Variants in DSCAM observed in about 807,000 individuals in gnomAD.
DSCAM encodes the protein DS cell adhesion molecule, also known as cell adhesion molecule DSCAM.
DSCAM carries 47 observed loss-of-function variants against 217.7 expected under a neutral mutation model. That is an observed-to-expected ratio of 0.22 (90% CI 0.17 to 0.28). DSCAM has a LOEUF of 0.28. DSCAM is among the 10% of genes least tolerant of loss of function. The probability of loss-of-function intolerance (pLI) is 1.00; values close to 1 mark genes in which losing one functional copy is unlikely to be tolerated. For missense variants in DSCAM, 2,080 were observed against 2,618.3 expected, an observed-to-expected ratio of 0.79 and a Z score of 4.49; for synonymous variants, 1,056 against 1,015.3, an observed-to-expected ratio of 1.04 and a Z score of -0.76.
At chr21:40,786,705 A>G (rs758887379) in intron 1 of DSCAM, among the ~76,000 whole-genome samples, 5 of 152,242 alleles carry the variant, frequency 3.3e-5, no homozygotes, top group Non-Finnish European at 5.9e-5. Flanking sequence ...GGGATTCGTC[A>G]GAGTTCCTTA....
rs932733310 is a variant in DSCAM, at chr21:40,187,123, G to A, written c.2779+8C>T. 11 of 1,612,594 alleles carry A rather than the reference G, an allele frequency of 6.8e-6. No individual in the cohort carries two copies. The highest frequency in any genetic ancestry group is 9.3e-6 in the Non-Finnish European group (11 of 1,179,408). On this transcript the variant is annotated splice_region_variant and intron_variant, in intron 14 of 32. Transcript: ENST00000400454. Reference sequence around the variant, plus strand: ...TGGAAGGGAAGCTGGAGGAAGTAAAGAACTTACCTGATTTATTTTTGCATT... The same window carrying A: ...TGGAAGGGAAGCTGGAGGAAGTAAAAAACTTACCTGATTTATTTTTGCATT...
chr21:40,273,014 C>T (rs1275783074), intron 11 of DSCAM, among the ~76,000 whole-genome samples: 3 of 152,140 alleles, frequency 2.0e-5, no homozygotes, highest in African/African-American at 4.8e-5. Flanking sequence ...ATGAAAATAC[C>T]TCCCCATGGG....
rs979753212 is a variant in DSCAM at position 40,264,318 on chromosome 21, C to T, written c.2356+11779G>A. 2.0e-5 allele frequency among the ~76,000 whole-genome samples: 3 copies of T among 152,016 alleles called. 1 individual carries two copies. The highest frequency in any genetic ancestry group is 2.9e-5 in the Non-Finnish European group (2 of 67,986). On this transcript the variant is annotated intron_variant, in intron 11 of 32. Coordinates refer to ENST00000400454, the MANE Select transcript of DSCAM (RefSeq NM_001389.5). ...AATTCTCAACACAATACTAGCAAAC[C>T]AAATCCAATAGCAAATCGAATCCAA...
intron 3 of DSCAM, among the ~76,000 whole-genome samples, chr21:40,419,987 GC>G (rs1189079016): frequency 2.6e-5 from 4 of 152,042 alleles, no homozygotes; most frequent in Admixed American, 2.6e-4. Flanking sequence ...CTGAAGGAAT[GC>G]TTTTGAGTCA....
chr21:40,476,598 G>A (rs1224614714), intron 3 of DSCAM, among the ~76,000 whole-genome samples: 2 of 152,180 alleles, frequency 1.3e-5, no homozygotes, highest in African/African-American at 4.8e-5. Context: ...TTTCGAATGT[G>A]CTTAAGGTGA....
intron 8 of DSCAM, among the ~76,000 whole-genome samples, chr21:40,321,335 C>T (rs1321851925): frequency 6.6e-6 from 1 of 152,216 alleles, no homozygotes. Context: ...TCAGAAGTAT[C>T]TCAAATCCCA....
chr21:40,846,991 AT>A lies in DSCAM; in HGVS notation c.-331del, dbSNP rs2092152132. On this transcript the variant is annotated 5_prime_UTR_variant, in exon 1 of 33. The change abolishes an upstream ATG in the 5' untranslated region. Coordinates refer to ENST00000400454, the MANE Select transcript of DSCAM (RefSeq NM_001389.5). Reference sequence around the variant, plus strand: ...GAGCCGCAGACGCGGGCGTGAGCTCATCCCGGGCACTCGGCGCCCAGAATGC... The same window carrying A: ...GAGCCGCAGACGCGGGCGTGAGCTCACCCGGGCACTCGGCGCCCAGAATGC... 1 of 152,114 alleles carries A rather than the reference AT, an allele frequency of 6.6e-6. No individual in the cohort carries two copies. The highest frequency in any genetic ancestry group is 6.5e-5 in the Admixed American group (1 of 15,280). 9.4% of individuals were successfully genotyped at this position (152,114 alleles called of 1,614,324 possible).
intron 3 of DSCAM, among the ~76,000 whole-genome samples, chr21:40,541,607 TTG>T (rs547166251): frequency 6.6e-6 from 1 of 151,722 alleles, no homozygotes; most frequent in Non-Finnish European, 1.5e-5. Flanking sequence ...ATGTGTATAT[TTG>T]TGTGTGTGTG....
intron 8 of DSCAM, among the ~76,000 whole-genome samples, chr21:40,316,191 G>A (rs1037068974): frequency 6.6e-6 from 1 of 152,132 alleles, no homozygotes; most frequent in African/African-American, 2.4e-5. Context: ...AAGGAAAAGC[G>A]TTTTCCCAGA....
intron 1 of DSCAM, among the ~76,000 whole-genome samples, chr21:40,791,619 C>G (rs992540438): frequency 1.3e-5 from 2 of 152,282 alleles, no homozygotes; most frequent in African/African-American, 4.8e-5. Flanking sequence ...CGCCACTGCA[C>G]TCCAGCCTGG....
intron 1 of DSCAM, among the ~76,000 whole-genome samples, chr21:40,728,611 G>A (rs964947655): frequency 2.0e-5 from 3 of 151,946 alleles, no homozygotes; most frequent in Admixed American, 6.6e-5. Context: ...GTAGAGACGG[G>A]GTTTTATCAT....
intron 32 of DSCAM, 128 bp downstream of exon 32, chr21:40,042,243 A>T (rs1051421749): frequency 4.2e-6 from 4 of 961,472 alleles, no homozygotes; most frequent in Admixed American, 2.7e-5. Context: ...ATGGTTTGTT[A>T]TGCAGCCATC....
At chr21:40,752,840 G>A (rs1354858628) in intron 1 of DSCAM, among the ~76,000 whole-genome samples, 3 of 152,174 alleles carry the variant, frequency 2.0e-5, no homozygotes, top group Non-Finnish European at 2.9e-5. Context: ...AGGGAAGCAA[G>A]GAGGAAAGGC....
At chr21:40,742,852 T>C (rs1340859160) in intron 1 of DSCAM, among the ~76,000 whole-genome samples, 1 of 152,188 alleles carries the variant, frequency 6.6e-6, no homozygotes, top group Non-Finnish European at 1.5e-5. Flanking sequence ...GTCAATATCA[T>C]CATCATCCTT....
intron 3 of DSCAM, among the ~76,000 whole-genome samples, chr21:40,495,582 A>G (rs910082083): frequency 1.3e-5 from 2 of 152,220 alleles, no homozygotes; most frequent in East Asian, 3.8e-4. Flanking sequence ...CATTGTACAC[A>G]ATGATGAAAA....
chr21:40,790,398 C>T (rs1261438693), intron 1 of DSCAM, among the ~76,000 whole-genome samples: 1 of 151,952 alleles, frequency 6.6e-6, no homozygotes, highest in Non-Finnish European at 1.5e-5. Flanking sequence ...GCCAGGCAAA[C>T]GTTTATCTTT....
chr21:40,548,506 A>AT, intron 3 of DSCAM, among the ~76,000 whole-genome samples: 1 of 104,480 alleles, frequency 9.6e-6, no homozygotes, highest in Non-Finnish European at 2.1e-5. Flanking sequence ...AAACCAGTAA[A>AT]AAAAAAAATA....
intron 11 of DSCAM, among the ~76,000 whole-genome samples, chr21:40,237,637 C>G (rs1035726017): frequency 4.6e-5 from 7 of 152,122 alleles, no homozygotes; most frequent in Non-Finnish European, 8.8e-5. Context: ...GGGTTGGTTC[C>G]AAGTCTTTGC....
intron 3 of DSCAM, among the ~76,000 whole-genome samples, chr21:40,545,346 A>G (rs542075385): frequency 2.6e-5 from 4 of 152,320 alleles, no homozygotes; most frequent in East Asian, 3.9e-4. Flanking sequence ...ATATTTATTA[A>G]TCTTCACAAA....
Sources: allele counts gnomAD v4.1 joint callset (sites outside exome capture counted in the v4.1 genomes callset), GRCh38; gene constraint gnomAD v4.1.1; transcripts MANE v1.5; gene names NCBI Gene and HGNC (gene_info 2026-07-23, HGNC 2026-07-21).